ADAP1: variants seen among roughly 807,000 people sequenced by gnomAD.
ADAP1 encodes ArfGAP with dual PH domains 1.
Under a neutral mutation model 54.9 loss-of-function variants are expected in ADAP1, and 31 were observed. The observed-to-expected ratio is 0.56, with a 90% confidence interval of 0.42 to 0.76. ADAP1 has a LOEUF of 0.76. Ranked by LOEUF, ADAP1 falls within the 30% of genes least tolerant of loss-of-function variation. The pLI is 0.00. For missense variants in ADAP1, 535 were observed against 512.4 expected (o/e 1.04, Z -0.42); for synonymous variants, 313 against 202.6 (o/e 1.55, Z -4.63).
At chr7:924,869 C>T (rs1249424703) in intron 3 of ADAP1, among the ~76,000 whole-genome samples, 2 of 152,118 alleles carry the variant, frequency 1.3e-5, no homozygotes, top group Admixed American at 6.5e-5. Flanking sequence ...AATAGCTGTG[C>T]TGGGGCTCCA....
At chr7:947,999 C>A (rs1318942765) in intron 1 of ADAP1, among the ~76,000 whole-genome samples, 2 of 152,006 alleles carry the variant, frequency 1.3e-5, no homozygotes, top group African/African-American at 2.4e-5. Context: ...CCCCTTTACC[C>A]CACTCCCTCT....
intron 7 of ADAP1, 22 bp from the exon 8 acceptor site, chr7:900,186 A>AG (rs1349795183): frequency 3.7e-6 from 6 of 1,612,774 alleles, no homozygotes; most frequent in Non-Finnish European, 5.1e-6. Context: ...CACACCAGGC[A>AG]GGGGACCTCA....
At chr7:932,045 C>A (rs529827137) in intron 2 of ADAP1, among the ~76,000 whole-genome samples, 1 of 152,226 alleles carries the variant, frequency 6.6e-6, no homozygotes, top group Non-Finnish European at 1.5e-5. Flanking sequence ...CCCAGCCCTG[C>A]CTGGGGGCCG....
At chr7:911,483 C>T (rs1302258933) in intron 4 of ADAP1, among the ~76,000 whole-genome samples, 1 of 152,162 alleles carries the variant, frequency 6.6e-6, no homozygotes, top group Non-Finnish European at 1.5e-5. Context: ...ACAGGGGCCC[C>T]AGCGCCCAAG....
chr7:924,061 CGGGTT>C (rs1846285266), intron 3 of ADAP1, among the ~76,000 whole-genome samples: 1 of 140,420 alleles, frequency 7.1e-6, no homozygotes, highest in Admixed American at 7.1e-5. Context: ...CCCCGCCCTC[CGGGTT>C]ACACTGCAGG....
chr7:904,781 G>C (rs973663908), intron 5 of ADAP1, among the ~76,000 whole-genome samples: 25 of 152,244 alleles, frequency 1.6e-4, no homozygotes, highest in African/African-American at 6.0e-4. Flanking sequence ...GAGGGGCCCA[G>C]TGACTAGGTT....
At chr7:940,426 A>G (rs1015441062) in intron 1 of ADAP1, among the ~76,000 whole-genome samples, 1 of 152,098 alleles carries the variant, frequency 6.6e-6, no homozygotes, top group Non-Finnish European at 1.5e-5. Flanking sequence ...AGCCAGTTAA[A>G]TCAAGTGTGT....
intron 4 of ADAP1, among the ~76,000 whole-genome samples, chr7:917,673 A>G (rs892892043): frequency 3.3e-5 from 5 of 152,158 alleles, no homozygotes; most frequent in Non-Finnish European, 5.9e-5. Context: ...CACGTTGACC[A>G]GATTGGTCTC....
At position 899,082 on chromosome 7, in the gene ADAP1, C is replaced by T. The variant is rs148759206; in HGVS notation, c.1047G>A (p.Ala349=). Residue 349 remains alanine (A), a synonymous_variant, in exon 10 of 11, where the codon GCG becomes GCA. Coordinates refer to ENST00000265846, the MANE Select transcript of ADAP1 (RefSeq NM_006869.4). The stretch of plus-strand genomic sequence containing the variant: ...GCCTGTCCACCGCCTTCTGGAAGGC[C>T]GCCACCCACTCCCTCTGGTCGGACT... ...ETESDQREWV[A]AFQKAVDRPM... is the part of the protein sequence containing the mutation. The T allele has an allele frequency of 1.1e-4, 178 of 1,608,094 alleles. No homozygotes were observed. The highest frequency in any genetic ancestry group is 5.2e-4 in the South Asian group (47 of 91,082).
intron 4 of ADAP1, 100 bp from the exon 5 acceptor site, chr7:905,272 CGGG>C: frequency 3.1e-6 from 1 of 318,420 alleles, no homozygotes; most frequent in Non-Finnish European, 5.2e-6. Context: ...GGAGAAGACA[CGGG>C]GGACACGGAC....
intron 1 of ADAP1, among the ~76,000 whole-genome samples, chr7:940,494 T>C (rs562835590): frequency 6.6e-6 from 1 of 152,174 alleles, no homozygotes; most frequent in African/African-American, 2.4e-5. Flanking sequence ...GTATCATTTT[T>C]AAAAAGCTTT....
intron 2 of ADAP1, chr7:927,320 C>A (rs1056631693): frequency 5.4e-6 from 6 of 1,101,624 alleles, no homozygotes; most frequent in African/African-American, 1.6e-5. Flanking sequence ...GCGCAAAGGC[C>A]CTGAGGGTGG....
chr7:911,020 C>T (rs1001397614), intron 4 of ADAP1, among the ~76,000 whole-genome samples: 4 of 152,316 alleles, frequency 2.6e-5, no homozygotes, highest in African/African-American at 7.2e-5. Context: ...CTGCCTGGCC[C>T]GTCCACCCAC....
rs889912239 is a variant in ADAP1, at chr7:920,173, C to T, written c.306-123G>A. On this transcript the variant is annotated intron_variant, in intron 3 of 10. Transcript: ENST00000265846. The surrounding 1 kb of genome is among the most constrained non-coding windows in gnomAD (Gnocchi z 4.5). Reference sequence around the variant, plus strand: ...ATAGGGACCCCCGGCAGACTCGAGCCGCCCCTCTGGGCACAAGATCCCGGA... The same window carrying T: ...ATAGGGACCCCCGGCAGACTCGAGCTGCCCCTCTGGGCACAAGATCCCGGA... The T allele has an allele frequency of 1.0e-5, 8 of 779,172 alleles. No homozygotes were observed. Among genetic ancestry groups the T allele is most frequent in the East Asian group, 2.8e-5 (1 of 35,752 alleles). The allele number at this position is 779,172 out of a possible 1,614,324, so 48.3% of individuals were successfully genotyped here.
intron 4 of ADAP1, among the ~76,000 whole-genome samples, chr7:918,689 C>G (rs1846033182): frequency 6.6e-6 from 1 of 152,198 alleles, no homozygotes. Context: ...GAACCAGGCC[C>G]TAGGGCTAGG....
At chr7:904,336 G>A (rs1844981824) in intron 5 of ADAP1, 64 bp from the exon 6 acceptor site, 1 of 1,513,462 alleles carries the variant, frequency 6.6e-7, no homozygotes, top group Non-Finnish European at 8.8e-7. Context: ...GGAGCAGGAA[G>A]GGCAGACCCT....
chr7:922,162 G>A (rs948224801), intron 3 of ADAP1, among the ~76,000 whole-genome samples: 1 of 152,146 alleles, frequency 6.6e-6, no homozygotes, highest in African/African-American at 2.4e-5. Flanking sequence ...GACACCCCAC[G>A]TGGTCACGAG....
At chr7:904,062 G>A (rs62430821) in intron 6 of ADAP1, 64 bp downstream of exon 6, 179,800 of 1,592,886 alleles carry the variant, frequency 0.11, 11,223 homozygotes, top group South Asian at 0.2. Context: ...ACCTTCCTGC[G>A]CCACCCGGGC....
In ADAP1 at chr7:920,038, C is replaced by T; in HGVS notation, c.318G>A (p.Glu106=). ...GCTCGTACTTGGCCCGGATCCACTGCTCTCGAAGGAGCCTGTGGGGAGAGG... is the reference window on the plus strand; with the variant it reads ...GCTCGTACTTGGCCCGGATCCACTGTTCTCGAAGGAGCCTGTGGGGAGAGG... ...PTPSDCQLLR[E]QWIRAKYERQ... is the part of the protein sequence containing the mutation. The change falls in exon 4 of 11, where the codon GAG becomes GAA. Residue 106 remains glutamate, a synonymous_variant. Coordinates refer to ENST00000265846, the MANE Select transcript of ADAP1 (RefSeq NM_006869.4). This position sits in a 1 kb window ranked among gnomAD's most constrained non-coding sequence, Gnocchi z 4.5. 1.9e-6 allele frequency: 3 copies of T among 1,606,786 alleles called. No homozygotes were observed. The highest frequency in any genetic ancestry group is 1.7e-6 in the Non-Finnish European group (2 of 1,179,518).
Sources: gnomAD v4.1 joint callset for allele counts (sites outside exome capture counted in the v4.1 genomes callset) on GRCh38, gnomAD v4.1.1 for gene constraint, Gnocchi (gnomAD v3.1) non-coding constraint, MANE v1.5 for transcripts, NCBI Gene and HGNC (gene_info 2026-07-23, HGNC 2026-07-21) for gene names.